The following NUDCD3 variants were observed in gnomAD, a reference collection of about 807,000 sequenced individuals.
NUDCD3 encodes the protein nudC domain-containing protein 3.
NUDCD3 carries 13 observed loss-of-function variants against 39.7 expected under a neutral mutation model. The observed-to-expected ratio is 0.33, with a 90% CI of 0.21 to 0.52. The LOEUF is 0.52. NUDCD3 is among the 20% of genes least tolerant of loss of function. NUDCD3 has a pLI of 0.96. For missense variants in NUDCD3, 453 were observed against 458.1 expected, an observed-to-expected ratio of 0.99 and a Z score of 0.10; for synonymous variants, 175 against 172.4, an observed-to-expected ratio of 1.02 and a Z score of -0.12.
chr7:44,439,480 G>C (rs1361388880), intron 2 of NUDCD3, among the ~76,000 whole-genome samples: 1 of 151,964 alleles, frequency 6.6e-6, no homozygotes, highest in Non-Finnish European at 1.5e-5. Flanking sequence ...ATTCAATAAA[G>C]GGAATTGGGC....
At chr7:44,442,875 T>C (rs1172156479) in intron 2 of NUDCD3, among the ~76,000 whole-genome samples, 1 of 152,044 alleles carries the variant, frequency 6.6e-6, no homozygotes. Flanking sequence ...TTTTTTTCTT[T>C]CTATTTTTAG....
chr7:44,390,781 C>A (rs957698936), intron 5 of NUDCD3, among the ~76,000 whole-genome samples: 6 of 152,174 alleles, frequency 3.9e-5, no homozygotes, highest in African/African-American at 1.4e-4. Context: ...GGCAAAGGTT[C>A]AAAGGCTGGC....
chr7:44,401,873 C>G (rs1464226783), intron 4 of NUDCD3, among the ~76,000 whole-genome samples: 1 of 152,190 alleles, frequency 6.6e-6, no homozygotes, highest in East Asian at 1.9e-4. Flanking sequence ...GCCCCGGGGG[C>G]CCTGGCATGA....
intron 3 of NUDCD3, among the ~76,000 whole-genome samples, chr7:44,408,844 C>T (rs1347324511): frequency 6.6e-6 from 1 of 152,178 alleles, no homozygotes; most frequent in African/African-American, 2.4e-5. Flanking sequence ...CTGGAGAAAA[C>T]AGTGCTCTTA....
At chr7:44,386,225 G>T in intron 5 of NUDCD3, 104 bp from the exon 6 acceptor site, 2 of 1,282,282 alleles carry the variant, frequency 1.6e-6, no homozygotes, top group African/African-American at 1.5e-5. Context: ...GCTTCCTCAG[G>T]GCTCAGGCAC....
At chr7:44,489,892 C>T (rs1326346239) in intron 1 of NUDCD3, 1 of 152,464 alleles carries the variant, frequency 6.6e-6, no homozygotes, top group Non-Finnish European at 1.5e-5. Flanking sequence ...ATACAATAAA[C>T]TTAACCTGGA....
chr7:44,467,791 A>G (rs2116958789), intron 2 of NUDCD3: 1 of 745,360 alleles, frequency 1.3e-6, no homozygotes, highest in East Asian at 2.5e-5. Context: ...ACCCTATTGT[A>G]TATAAGAAAA....
intron 4 of NUDCD3, among the ~76,000 whole-genome samples, chr7:44,396,170 T>C (rs1798621679): frequency 6.6e-6 from 1 of 151,888 alleles, no homozygotes; most frequent in Admixed American, 6.6e-5. Context: ...CCACTGGTCC[T>C]TTGTCCTGAC....
intron 3 of NUDCD3, 138 bp downstream of exon 3, chr7:44,427,433 C>T: frequency 1.1e-6 from 1 of 929,624 alleles, no homozygotes; most frequent in Non-Finnish European, 1.6e-6. Context: ...TCAGCTCATT[C>T]CGAGGGCAGG....
chr7:44,408,288 AAG>A (rs1360348298), intron 3 of NUDCD3, among the ~76,000 whole-genome samples: 2 of 152,226 alleles, frequency 1.3e-5, no homozygotes, highest in African/African-American at 4.8e-5. Context: ...AAAACTGAAA[AAG>A]AGGAATATCC....
intron 2 of NUDCD3, among the ~76,000 whole-genome samples, chr7:44,484,172 AAAGCAG>A (rs1184215425): frequency 6.6e-6 from 1 of 152,236 alleles, no homozygotes; most frequent in Non-Finnish European, 1.5e-5. Context: ...CCAAAAAAAC[AAAGCAG>A]GCCAGGAGGC....
chr7:44,422,714 G>A (rs540853680), intron 3 of NUDCD3, among the ~76,000 whole-genome samples: 11 of 152,282 alleles, frequency 7.2e-5, no homozygotes, highest in African/African-American at 2.6e-4. Context: ...GGTACAAAGA[G>A]GAGCTGGTAC....
chr7:44,422,987 A>G (rs1014868858), intron 3 of NUDCD3, among the ~76,000 whole-genome samples: 3 of 152,240 alleles, frequency 2.0e-5, no homozygotes, highest in African/African-American at 7.2e-5. Context: ...CTGGTTCAAC[A>G]TATGAAAATC....
chr7:44,413,191 C>T (rs530953288), intron 3 of NUDCD3: 2 of 152,226 alleles, frequency 1.3e-5, no homozygotes, highest in African/African-American at 4.8e-5. Context: ...CAGCTCATAC[C>T]TGTAATTCCA....
intron 2 of NUDCD3, among the ~76,000 whole-genome samples, chr7:44,451,302 T>C (rs117475646): frequency 2.0e-5 from 3 of 152,190 alleles, no homozygotes; most frequent in East Asian, 3.9e-4. Flanking sequence ...AGACAGAAAG[T>C]AGAATGGTGG....
At chr7:44,486,446 C>G (rs1329820846) in intron 1 of NUDCD3, among the ~76,000 whole-genome samples, 1 of 151,912 alleles carries the variant, frequency 6.6e-6, no homozygotes. Context: ...TGCCCCAGCT[C>G]CTGCTGGCAA....
intron 2 of NUDCD3, among the ~76,000 whole-genome samples, chr7:44,476,613 T>G (rs1440805925): frequency 6.6e-6 from 1 of 152,174 alleles, no homozygotes; most frequent in Admixed American, 6.5e-5. Context: ...GTCTGTTGTT[T>G]ATAAGCCACC....
At chr7:44,419,094 T>TC (rs1357637867) in intron 3 of NUDCD3, among the ~76,000 whole-genome samples, 1 of 151,934 alleles carries the variant, frequency 6.6e-6, no homozygotes, top group African/African-American at 2.4e-5. Flanking sequence ...AACCGTTCAC[T>TC]CCCCTGGAAA....
At chr7:44,403,628 G>C (rs1798763515) in intron 4 of NUDCD3, among the ~76,000 whole-genome samples, 1 of 152,204 alleles carries the variant, frequency 6.6e-6, no homozygotes. Context: ...AGTCAGCACT[G>C]GCCAGGGAAG....
Sources: gnomAD v4.1 joint callset for allele counts (sites outside exome capture counted in the v4.1 genomes callset) on GRCh38, gnomAD v4.1.1 for gene constraint, MANE v1.5 for transcripts, NCBI Gene and HGNC (gene_info 2026-07-23, HGNC 2026-07-21) for gene names.